HAAO: variants seen among roughly 807,000 people sequenced by gnomAD.
The protein encoded by HAAO is 3-hydroxyanthranilate 3,4-dioxygenase.
In HAAO, 49 loss-of-function variants were observed where a neutral mutation model predicts 46.2. The ratio of observed to expected loss-of-function variants is 1.06; its 90% CI spans 0.84 to 1.34. The LOEUF (loss-of-function observed/expected upper bound fraction) is 1.34. HAAO is among the 40% of genes most tolerant of loss of function. The pLI is 0.00. For missense variants in HAAO, 408 were observed against 364.5 expected (o/e 1.12, Z -0.97); for synonymous variants, 157 against 145.2 (o/e 1.08, Z -0.58).
At chr2:42,791,073 A>T (rs968176928) in intron 1 of HAAO, among the ~76,000 whole-genome samples, 1 of 152,126 alleles carries the variant, frequency 6.6e-6, no homozygotes, top group Admixed American at 6.5e-5. Context: ...AACGCCCAGT[A>T]CTGCAGAATG....
rs1318227711 is a variant in HAAO at position 42,783,831 on chromosome 2, C to T, written c.196G>A (p.Val66Ile). The T allele has an allele frequency of 1.9e-6, 3 of 1,612,858 alleles. No homozygotes were observed. The South Asian group carries it at 3.3e-5, about 18-fold the overall frequency. Residue 66 changes from valine to isoleucine, a missense_variant, in exon 3 of 10, where the codon GTC becomes ATC. Physicochemically the swap from Val to Ile is conservative, Grantham distance 29. Transcript: ENST00000294973. The stretch of plus-strand genomic sequence containing the variant: ...TCCCGGTGTTTCCCTTGCTCCAGGA[C>T]TCGGAGAACCATGTCTCCCTCCAGC... ...YQLEGDMVLR[V>I]LEQGKHRDVV...
intron 4 of HAAO, among the ~76,000 whole-genome samples, chr2:42,778,617 T>C (rs1300191650): frequency 6.6e-6 from 1 of 152,010 alleles, no homozygotes; most frequent in Non-Finnish European, 1.5e-5. Flanking sequence ...CGTGAGTCAC[T>C]GTGCCTGACC....
chr2:42,788,510 G>A lies in HAAO; in HGVS notation c.159+19C>T. The A allele has an allele frequency of 6.5e-7, 1 of 1,534,386 alleles. No homozygotes were observed. Among genetic ancestry groups the A allele is most frequent in the Non-Finnish European group, 9.0e-7 (1 of 1,108,130 alleles). Reference sequence around the variant, plus strand: ...TCCTTGCCCGCAGGCCTAGATCCAGGGAGACCAGTCAAACCTACCTCTTCA... The same window carrying A: ...TCCTTGCCCGCAGGCCTAGATCCAGAGAGACCAGTCAAACCTACCTCTTCA... On this transcript the variant is annotated intron_variant, in intron 2 of 9. Transcript: ENST00000294973.
At chr2:42,782,783 C>T in intron 4 of HAAO, 2 of 355,600 alleles carry the variant, frequency 5.6e-6, no homozygotes, top group Admixed American at 3.5e-5. Flanking sequence ...CTGGAAGCCC[C>T]CTTCCCACTT....
intron 2 of HAAO, among the ~76,000 whole-genome samples, chr2:42,787,939 A>T (rs997829263): frequency 6.6e-6 from 1 of 151,484 alleles, no homozygotes; most frequent in Non-Finnish European, 1.5e-5. Context: ...TCCCCCTCCC[A>T]CCTGCCCCAG....
intron 4 of HAAO, among the ~76,000 whole-genome samples, chr2:42,781,191 T>A (rs946298382): frequency 6.6e-6 from 1 of 152,254 alleles, no homozygotes; most frequent in African/African-American, 2.4e-5. Context: ...TCTTAACTTA[T>A]GGCAATACAG....
At position 42,792,501 on chromosome 2, in the gene HAAO, C is replaced by T; in HGVS notation, c.36G>A (p.Lys12=). 3 of 1,594,668 alleles carry T rather than the reference C, an allele frequency of 1.9e-6. No individual in the cohort carries two copies. The highest frequency in any genetic ancestry group is 2.4e-5 in the East Asian group (1 of 41,792). ...ERRLGVRAWV[K]ENRGSFQPPV... ...GGGGCTGGAAGGAGCCCCGGTTCTC[C>T]TTCACCCAGGCCCTCACTCCCAGGC... Residue 12 remains lysine, a synonymous_variant, in exon 1 of 10, where the codon AAG becomes AAA. Coordinates refer to ENST00000294973, the MANE Select transcript of HAAO (RefSeq NM_012205.3).
At chr2:42,789,926 C>T (rs1357777662) in intron 1 of HAAO, among the ~76,000 whole-genome samples, 1 of 152,196 alleles carries the variant, frequency 6.6e-6, no homozygotes, top group African/African-American at 2.4e-5. Context: ...AGGGTGTTCT[C>T]AGGTGGCCCT....
chr2:42,777,006 G>A (rs1671630071), intron 4 of HAAO, among the ~76,000 whole-genome samples: 1 of 150,726 alleles, frequency 6.6e-6, no homozygotes, highest in African/African-American at 2.4e-5. Context: ...AGGTTATCAA[G>A]AATCTGAAAG....
chr2:42,767,272 C>T lies in HAAO; in HGVS notation c.*165G>A. 1.6e-6 allele frequency: 1 copy of T among 641,802 alleles called. No homozygotes were observed. 39.8% of individuals were successfully genotyped at this position (641,802 alleles called of 1,614,324 possible). A position where few individuals can be genotyped will look rare whatever the true frequency, so the allele number is the denominator to read the frequency against. ...TGCTGCCCGCCCAGGGGCATGGCAT[C>T]TGGGCTGAGAAGGGCAGGAGGGTGG... On this transcript the variant is annotated 3_prime_UTR_variant, in exon 10 of 10. Transcript: ENST00000294973.
chr2:42,770,297 A>C, intron 5 of HAAO, 111 bp from the exon 6 acceptor site: 1 of 949,932 alleles, frequency 1.1e-6, no homozygotes, highest in Non-Finnish European at 1.6e-6. Context: ...ACACACACTC[A>C]TGGGGCTCTC....
In HAAO at chr2:42,778,172, T is replaced by G. The variant is rs547273267; in HGVS notation, c.350+5142A>C. On this transcript the variant is annotated intron_variant, in intron 4 of 9. Transcript: ENST00000294973. ...TTTATATGATCAAGTTATCACATTATTATTAAGTTTTCGGTTGCTTAGGAA... is the reference window on the plus strand; with the variant it reads ...TTTATATGATCAAGTTATCACATTAGTATTAAGTTTTCGGTTGCTTAGGAA... 6.6e-5 allele frequency among the ~76,000 whole-genome samples: 10 copies of G among 152,318 alleles called. No homozygotes were observed. In the South Asian group the frequency reaches 1.7e-3, roughly 25 times the overall value.
intron 4 of HAAO, among the ~76,000 whole-genome samples, chr2:42,781,861 T>C (rs6544596): frequency 0.98 from 149,079 of 152,118 alleles, 73,066 homozygotes; most frequent in East Asian, 1. Context: ...GCAACAAGAG[T>C]GAAACTTTGT....
chr2:42,773,145 G>T (rs865795829), intron 4 of HAAO, among the ~76,000 whole-genome samples: 2 of 152,188 alleles, frequency 1.3e-5, no homozygotes, highest in African/African-American at 4.8e-5. Context: ...TCTCTATACT[G>T]TCCTGGCCCT....
At chr2:42,771,446 A>G (rs1272955324) in intron 4 of HAAO, among the ~76,000 whole-genome samples, 1 of 58,918 alleles carries the variant, frequency 1.7e-5, no homozygotes, top group African/African-American at 1.0e-4. Context: ...TAAATAAGTA[A>G]AAAAAAAAAA....
At chr2:42,774,783 CTGTT>C (rs778440083) in intron 4 of HAAO, among the ~76,000 whole-genome samples, 14 of 130,038 alleles carry the variant, frequency 1.1e-4, no homozygotes, top group Admixed American at 1.7e-4. Flanking sequence ...TTTTGCTTCA[CTGTT>C]TGTTGTTGTT....
At chr2:42,776,633 CTTTTT>C (rs1219622958) in intron 4 of HAAO, among the ~76,000 whole-genome samples, 1 of 134,118 alleles carries the variant, frequency 7.5e-6, no homozygotes, top group Non-Finnish European at 1.6e-5. Context: ...GAGTTGTTTC[CTTTTT>C]TTTTTTTTTT....
At chr2:42,785,886 C>G (rs1487336600) in intron 2 of HAAO, among the ~76,000 whole-genome samples, 1 of 152,042 alleles carries the variant, frequency 6.6e-6, no homozygotes, top group Non-Finnish European at 1.5e-5. Context: ...CAAACACAAA[C>G]ATGAACAAAC....
At chr2:42,784,216 G>A (rs748961134) in intron 2 of HAAO, among the ~76,000 whole-genome samples, 3 of 152,176 alleles carry the variant, frequency 2.0e-5, no homozygotes, top group Non-Finnish European at 4.4e-5. Flanking sequence ...GCCAGGGGCT[G>A]TGCCAGGCAC....
Sources: allele counts gnomAD v4.1 joint callset (sites outside exome capture counted in the v4.1 genomes callset), GRCh38; gene constraint gnomAD v4.1.1; transcripts MANE v1.5; gene names NCBI Gene and HGNC (gene_info 2026-07-23, HGNC 2026-07-21).